ANKS1B: variants seen among roughly 807,000 people sequenced by gnomAD.
The protein encoded by ANKS1B is ankyrin repeat and sterile alpha motif domain-containing protein 1B.
In ANKS1B, 36 loss-of-function variants were observed where a neutral mutation model predicts 148.3. That is an observed-to-expected ratio of 0.24 (90% CI 0.19 to 0.32). The LOEUF (loss-of-function observed/expected upper bound fraction) is 0.32, where lower values mean the gene tolerates loss of function less well. Ranked by LOEUF, ANKS1B falls within the 10% of genes least tolerant of loss-of-function variation. The probability of loss-of-function intolerance (pLI) is 1.00; values close to 1 mark genes in which losing one functional copy is unlikely to be tolerated. For missense variants in ANKS1B, 1,157 were observed against 1,542.6 expected (o/e 0.75, Z 4.19); for synonymous variants, 542 against 560.8 (o/e 0.97, Z 0.47).
intron 17 of ANKS1B, among the ~76,000 whole-genome samples, chr12:98,841,535 T>C (rs539834504): frequency 5.3e-5 from 8 of 152,300 alleles, no homozygotes; most frequent in African/African-American, 1.9e-4. Flanking sequence ...AAGGGTTTTA[T>C]GTGGGAGGAG....
At chr12:99,098,008 T>A (rs4762555) in intron 15 of ANKS1B, among the ~76,000 whole-genome samples, 1 of 152,016 alleles carries the variant, frequency 6.6e-6, no homozygotes, top group South Asian at 2.1e-4. Context: ...GGCTTAGTCA[T>A]CTAATTTCAC....
At chr12:99,942,194 C>T (rs2094936990) in intron 1 of ANKS1B, among the ~76,000 whole-genome samples, 1 of 151,916 alleles carries the variant, frequency 6.6e-6, no homozygotes, top group South Asian at 2.1e-4. Flanking sequence ...CAAGCCAAAC[C>T]AGGAAAGAGG....
At chr12:99,318,765 C>G (rs561290909) in intron 12 of ANKS1B, among the ~76,000 whole-genome samples, 19 of 150,484 alleles carry the variant, frequency 1.3e-4, no homozygotes, top group African/African-American at 2.2e-4. Context: ...GTGATGTTAG[C>G]GTGTCAATTT....
intron 11 of ANKS1B, among the ~76,000 whole-genome samples, chr12:99,401,903 G>A (rs1461054396): frequency 6.8e-6 from 1 of 146,632 alleles, no homozygotes; most frequent in African/African-American, 2.6e-5. Flanking sequence ...TAAAAATGAA[G>A]TTTTATTGGA....
chr12:99,921,933 C>T (rs1205213556), intron 1 of ANKS1B, among the ~76,000 whole-genome samples: 2 of 151,964 alleles, frequency 1.3e-5, no homozygotes, highest in East Asian at 3.9e-4. Flanking sequence ...CACTTTTCTA[C>T]AAGTAACTTT....
intron 15 of ANKS1B, among the ~76,000 whole-genome samples, chr12:99,141,294 C>T (rs1447133394): frequency 2.6e-5 from 4 of 152,108 alleles, no homozygotes; most frequent in Non-Finnish European, 5.9e-5. Context: ...CTTCTTCTAT[C>T]CAATGCAACA....
chr12:98,829,442 G>GTGGGT lies in ANKS1B; in HGVS notation c.2887-90_2887-89insACCCA. ...GTGAAATACTGACAAGACAAACTGT[G>GTGGGT]GGGGTGGGGAGTCGCTTTTGAAGCA... On this transcript the variant is annotated intron_variant, in intron 18 of 26. Transcript: ENST00000683438. The surrounding 1 kb of genome is among the most constrained non-coding windows in gnomAD (Gnocchi z 5.2). 1 of 1,347,954 alleles carries GTGGGT rather than the reference G, an allele frequency of 7.4e-7. No homozygotes were observed. Among genetic ancestry groups the GTGGGT allele is most frequent in the Non-Finnish European group, 1.0e-6 (1 of 985,578 alleles). 83.5% of individuals were successfully genotyped at this position (1,347,954 alleles called of 1,614,324 possible).
intron 9 of ANKS1B, among the ~76,000 whole-genome samples, chr12:99,525,421 A>AT (rs760500954): frequency 3.3e-5 from 5 of 152,328 alleles, no homozygotes; most frequent in Non-Finnish European, 5.9e-5. Flanking sequence ...CAGGTTATCA[A>AT]TTTGAAAAGA....
chr12:99,789,611 A>C (rs2065396081), intron 4 of ANKS1B, among the ~76,000 whole-genome samples: 1 of 152,208 alleles, frequency 6.6e-6, no homozygotes, highest in Non-Finnish European at 1.5e-5. Context: ...AAAGAGATTG[A>C]AATAATTAAA....
intron 9 of ANKS1B, among the ~76,000 whole-genome samples, chr12:99,632,767 A>ATATATTTTTTTT (rs1441486862): frequency 2.8e-5 from 2 of 71,316 alleles, no homozygotes; most frequent in South Asian, 9.0e-4. Context: ...ATATATATAT[A>ATATATTTTTTTT]TTTTAATTAT....
chr12:99,148,563 T>G (rs2073946311), intron 15 of ANKS1B, among the ~76,000 whole-genome samples: 1 of 152,116 alleles, frequency 6.6e-6, no homozygotes, highest in African/African-American at 2.4e-5. Flanking sequence ...AGCGCCAATA[T>G]TGTACTTGCC....
chr12:99,410,958 G>C (rs1450969570), intron 11 of ANKS1B, among the ~76,000 whole-genome samples: 1 of 152,218 alleles, frequency 6.6e-6, no homozygotes, highest in African/African-American at 2.4e-5. Context: ...GCTCTGCCCT[G>C]CAACTCAGTA....
At chr12:98,974,405 A>G (rs2099888450) in intron 17 of ANKS1B, among the ~76,000 whole-genome samples, 1 of 152,188 alleles carries the variant, frequency 6.6e-6, no homozygotes, top group Non-Finnish European at 1.5e-5. Context: ...CAATTAAATG[A>G]GTTAATATTT....
intron 8 of ANKS1B, among the ~76,000 whole-genome samples, chr12:99,705,130 G>T (rs985524587): frequency 5.3e-5 from 8 of 152,060 alleles, no homozygotes; most frequent in Non-Finnish European, 1.5e-5. Flanking sequence ...GGCAAAAATA[G>T]CAACTATGTG....
intron 17 of ANKS1B, among the ~76,000 whole-genome samples, chr12:99,040,621 A>G (rs1404270923): frequency 6.6e-6 from 1 of 152,168 alleles, no homozygotes; most frequent in Non-Finnish European, 1.5e-5. Context: ...TTCTCTTCAG[A>G]CACTTCTTAA....
At chr12:98,881,340 A>G (rs78221285) in intron 17 of ANKS1B, among the ~76,000 whole-genome samples, 5,627 of 152,248 alleles carry the variant, frequency 0.037, 251 homozygotes, top group African/African-American at 0.11. Context: ...CCAGGTAGCA[A>G]GAGCTATATT....
Position 99,085,015 on chromosome 12 carries a change from A to G in ANKS1B, c.2535T>C (p.Asn845=), listed in dbSNP as rs776714191. The G allele has an allele frequency of 2.5e-6, 4 of 1,606,550 alleles. No homozygotes were observed. Among genetic ancestry groups the G allele is most frequent in the African/African-American group, 1.3e-5 (1 of 74,958 alleles). Reference sequence around the variant, plus strand: ...CCAACAAATCCTGATCTTCCATAACATTGCTTCCCTGAAACAAAACAGAAA... The same window carrying G: ...CCAACAAATCCTGATCTTCCATAACGTTGCTTCCCTGAAACAAAACAGAAA... The part of the protein sequence containing the change: ...GFDNVQFMGS[N]VMEDQDLLEI... Residue 845 remains asparagine, a synonymous_variant, in exon 16 of 27, where the codon AAT becomes AAC. Transcript: ENST00000683438.
chr12:99,946,332 C>T (rs1260936069), intron 1 of ANKS1B, among the ~76,000 whole-genome samples: 1 of 152,118 alleles, frequency 6.6e-6, no homozygotes, highest in East Asian at 1.9e-4. Flanking sequence ...GATTATTAAA[C>T]AGAAATTTAT....
chr12:98,829,442 G>A lies in ANKS1B; in HGVS notation c.2887-89C>T. The A allele has an allele frequency of 3.0e-6, 4 of 1,347,954 alleles. No individual in the cohort carries two copies. Among genetic ancestry groups the A allele is most frequent in the Non-Finnish European group, 4.1e-6 (4 of 985,578 alleles). 83.5% of individuals were successfully genotyped at this position (1,347,954 alleles called of 1,614,324 possible). On this transcript the variant is annotated intron_variant, in intron 18 of 26. Transcript: ENST00000683438. The surrounding 1 kb of genome is among the most constrained non-coding windows in gnomAD (Gnocchi z 5.2). ...GTGAAATACTGACAAGACAAACTGT[G>A]GGGGTGGGGAGTCGCTTTTGAAGCA...
Sources: allele counts gnomAD v4.1 joint callset (sites outside exome capture counted in the v4.1 genomes callset), GRCh38; gene constraint gnomAD v4.1.1; non-coding constraint Gnocchi (gnomAD v3.1); transcripts MANE v1.5; gene names NCBI Gene and HGNC (gene_info 2026-07-23, HGNC 2026-07-21).